The following HECW1 variants were observed in gnomAD, a reference collection of about 807,000 sequenced individuals.
The protein encoded by HECW1 is E3 ubiquitin-protein ligase HECW1.
HECW1 carries 61 observed loss-of-function variants against 182.3 expected under a neutral mutation model. The observed-to-expected ratio is 0.33, with a 90% CI of 0.27 to 0.41. The LOEUF is 0.41. Among genes scored for constraint, HECW1 ranks in the 10% least tolerant of loss-of-function variants. HECW1 has a pLI of 1.00. For synonymous variants in HECW1, 859 were observed against 832.6 expected, an observed-to-expected ratio of 1.03 and a Z score of -0.55; for missense variants, 1,739 against 2,108.9, an observed-to-expected ratio of 0.82 and a Z score of 3.44.
chr7:43,261,780 A>C (rs1356931335), intron 3 of HECW1, among the ~76,000 whole-genome samples: 1 of 152,202 alleles, frequency 6.6e-6, no homozygotes, highest in East Asian at 1.9e-4. Flanking sequence ...TTGTGACAGT[A>C]AGGGGCCCAT....
rs371450163 is a variant in HECW1, at chr7:43,225,331, C to T, written c.-31-18544C>T. 7.5e-4 allele frequency among the ~76,000 whole-genome samples: 114 copies of T among 152,276 alleles called. 1 individual carries two copies. Among genetic ancestry groups the T allele is most frequent in the African/African-American group, 2.6e-3 (109 of 41,554 alleles). On this transcript the variant is annotated intron_variant, in intron 2 of 29. Coordinates refer to ENST00000395891, the MANE Select transcript of HECW1 (RefSeq NM_015052.5). ...GTGGGAGAATCAACTCTTCCCTTCC[C>T]TTTGGTGAGCACGAAGGCCCCACCT...
intron 3 of HECW1, among the ~76,000 whole-genome samples, chr7:43,254,998 T>C (rs1452547740): frequency 6.6e-6 from 1 of 152,224 alleles, no homozygotes; most frequent in Non-Finnish European, 1.5e-5. Flanking sequence ...GGCTGTGCAA[T>C]AGCTACTTTA....
rs1038278682 is a variant in HECW1 at position 43,565,306 on chromosome 7, T to C, written c.*3380T>C. 6 of 207,162 alleles carry C rather than the reference T, an allele frequency of 2.9e-5. No homozygotes were observed. The highest frequency in any genetic ancestry group is 5.9e-5 in the Admixed American group (1 of 16,904). The allele number at this position is 207,162 out of a possible 1,614,324, so 12.8% of individuals were successfully genotyped here. A position where few individuals can be genotyped will look rare whatever the true frequency, so the allele number is the denominator to read the frequency against. On this transcript the variant is annotated 3_prime_UTR_variant, in exon 30 of 30. Transcript: ENST00000395891. Reference sequence around the variant, plus strand: ...GATTTGGGGGAGCAGGCGTTAAACATGCAAGATCTAAATTTTCTTTTAATA... The same window carrying C: ...GATTTGGGGGAGCAGGCGTTAAACACGCAAGATCTAAATTTTCTTTTAATA...
intron 19 of HECW1, among the ~76,000 whole-genome samples, chr7:43,494,676 G>C (rs2079051706): frequency 6.6e-6 from 1 of 151,916 alleles, no homozygotes; most frequent in African/African-American, 2.4e-5. Flanking sequence ...GCAAAATTTT[G>C]CTAATTTTTG....
chr7:43,463,813 G>T lies in HECW1; in HGVS notation c.2791+14G>T. ...AGTCCAGCTTAGGTATTGGAGGAGGGGTCCCCACAACCTGTGATGGCTTTC... is the reference window on the plus strand; with the variant it reads ...AGTCCAGCTTAGGTATTGGAGGAGGTGTCCCCACAACCTGTGATGGCTTTC... On this transcript the variant is annotated intron_variant, in intron 14 of 29. Coordinates refer to ENST00000395891, the MANE Select transcript of HECW1 (RefSeq NM_015052.5). The T allele has an allele frequency of 6.2e-7, 1 of 1,612,778 alleles. No homozygotes were observed. The highest frequency in any genetic ancestry group is 8.5e-7 in the Non-Finnish European group (1 of 1,179,308).
At chr7:43,329,388 G>A (rs1438633398) in intron 5 of HECW1, among the ~76,000 whole-genome samples, 4 of 152,110 alleles carry the variant, frequency 2.6e-5, no homozygotes, top group South Asian at 2.1e-4. Flanking sequence ...AGTGTGGCGA[G>A]AAGACTGTAA....
intron 3 of HECW1, among the ~76,000 whole-genome samples, chr7:43,256,722 C>T (rs1800623996): frequency 6.6e-6 from 1 of 151,796 alleles, no homozygotes; most frequent in African/African-American, 2.4e-5. Flanking sequence ...TTAATGTGTG[C>T]CAAGGGAGTG....
chr7:43,319,832 C>T (rs1334194716), intron 4 of HECW1, among the ~76,000 whole-genome samples: 1 of 143,768 alleles, frequency 7.0e-6, no homozygotes, highest in Non-Finnish European at 1.5e-5. Flanking sequence ...ATGCTGGTCT[C>T]GAACTGCTGA....
chr7:43,270,139 C>T (rs1450889418), intron 3 of HECW1, among the ~76,000 whole-genome samples: 1 of 152,048 alleles, frequency 6.6e-6, no homozygotes, highest in African/African-American at 2.4e-5. Context: ...AATAATAAAC[C>T]ATAACAAATC....
At chr7:43,129,194 A>G (rs1017412421) in intron 2 of HECW1, among the ~76,000 whole-genome samples, 1 of 152,252 alleles carries the variant, frequency 6.6e-6, no homozygotes, top group Admixed American at 6.5e-5. Flanking sequence ...ATCAAACAGC[A>G]TCACATGCTA....
At chr7:43,323,176 T>G (rs1198264511) in intron 5 of HECW1, among the ~76,000 whole-genome samples, 2 of 152,244 alleles carry the variant, frequency 1.3e-5, no homozygotes, top group Non-Finnish European at 1.5e-5. Flanking sequence ...AGTGCCATTC[T>G]CTTCAAAGCA....
chr7:43,291,144 G>A (rs759151325), intron 3 of HECW1, among the ~76,000 whole-genome samples: 23 of 152,190 alleles, frequency 1.5e-4, no homozygotes, highest in Non-Finnish European at 1.3e-4. Context: ...AATAGCACTC[G>A]AACATAAATT....
At position 43,198,157 on chromosome 7, in the gene HECW1, TACTC is replaced by T. The variant is rs376409392; in HGVS notation, c.-31-45715_-31-45712del. On this transcript the variant is annotated intron_variant, in intron 2 of 29. Coordinates refer to ENST00000395891, the MANE Select transcript of HECW1 (RefSeq NM_015052.5). ...CACACCCCACACTCTCTCACACTCA[TACTC>T]ACGCACACCCCACATTCACACACAC... Among the ~76,000 whole-genome samples, 83 of 127,114 alleles carry T rather than the reference TACTC, an allele frequency of 6.5e-4. No individual in the cohort carries two copies. In the East Asian group the frequency reaches 0.014, roughly 21 times the overall value. 83.4% of individuals were successfully genotyped at this position (127,114 alleles called of 152,430 possible).
chr7:43,342,979 T>C (rs1187061505), intron 5 of HECW1, among the ~76,000 whole-genome samples: 1 of 151,308 alleles, frequency 6.6e-6, no homozygotes, highest in East Asian at 1.9e-4. Context: ...TGAGCCAAGA[T>C]GCACCACTGC....
intron 2 of HECW1, among the ~76,000 whole-genome samples, chr7:43,131,013 C>T (rs985030133): frequency 6.6e-6 from 1 of 152,112 alleles, no homozygotes; most frequent in East Asian, 1.9e-4. Flanking sequence ...GACCTGTAAT[C>T]CTAACACTTT....
chr7:43,509,117 G>T lies in HECW1; in HGVS notation c.4015G>T (p.Glu1339Ter). 1 of 1,613,872 alleles carries T rather than the reference G, an allele frequency of 6.2e-7. No individual in the cohort carries two copies. The highest frequency in any genetic ancestry group is 8.5e-7 in the Non-Finnish European group (1 of 1,179,902). Residue 1339 changes from glutamate to a stop codon, truncating the protein, a stop_gained, in exon 24 of 30, where the codon GAG becomes TAG. Coordinates refer to ENST00000395891, the MANE Select transcript of HECW1 (RefSeq NM_015052.5). LOFTEE classifies it high-confidence loss of function. ...GTCCGCATTTGTAGAAAACCATCTT[G>T]AGTGGTAAGCTCTATAATGTTCACT... ...PMSAFVENHL[E>*]WFRFSGRILG...
chr7:43,462,339 C>T lies in HECW1; in HGVS notation c.2652-1321C>T, dbSNP rs980231701. On this transcript the variant is annotated intron_variant, in intron 13 of 29. Transcript: ENST00000395891. ...CTCTCCTCCAGTGCATTCTCCACTCCGACACTGGATGATCAATCTCCATGT... is the reference window on the plus strand; with the variant it reads ...CTCTCCTCCAGTGCATTCTCCACTCTGACACTGGATGATCAATCTCCATGT... 4.6e-5 allele frequency among the ~76,000 whole-genome samples: 7 copies of T among 151,992 alleles called. No homozygotes were observed. In the East Asian group the frequency reaches 5.8e-4, roughly 13 times the overall value.
chr7:43,237,363 T>C (rs1160997860), intron 2 of HECW1, among the ~76,000 whole-genome samples: 1 of 152,194 alleles, frequency 6.6e-6, no homozygotes, highest in Non-Finnish European at 1.5e-5. Context: ...CATCTTGTTG[T>C]GTGTTCAGCT....
In HECW1 at chr7:43,445,355, C is replaced by T. The variant is rs2077018483; in HGVS notation, c.2183C>T (p.Ser728Phe). Residue 728 changes from serine to phenylalanine, a missense_variant, in exon 11 of 30, where the codon TCC becomes TTC. Around this residue, in one of 5 missense-constraint regions of HECW1, gnomAD observed 971 missense variants for 1,029.1 expected, o/e 0.94. Transcript: ENST00000395891. ...TCCTCCGTGGACAGCGCCAAGATCT[C>T]CGAGAGCACGGTCTTCTCCTCGCAA... ...RFSSVDSAKI[S>F]ESTVFSSQDD... The T allele has an allele frequency of 2.5e-6, 4 of 1,613,790 alleles. No homozygotes were observed. Among genetic ancestry groups the T allele is most frequent in the Non-Finnish European group, 3.4e-6 (4 of 1,180,032 alleles).
Sources: allele counts gnomAD v4.1 joint callset (sites outside exome capture counted in the v4.1 genomes callset), GRCh38; gene constraint gnomAD v4.1.1; regional missense constraint gnomAD v4.1.1; transcripts MANE v1.5; gene names NCBI Gene and HGNC (gene_info 2026-07-23, HGNC 2026-07-21).